FGF1: variants seen among roughly 807,000 people sequenced by gnomAD.
FGF1 encodes the protein fibroblast growth factor 1, also known as beta-endothelial cell growth factor.
Under a neutral mutation model 13.4 loss-of-function variants are expected in FGF1, and 9 were observed. The ratio of observed to expected loss-of-function variants is 0.67; its 90% confidence interval spans 0.40 to 1.17. The LOEUF (loss-of-function observed/expected upper bound fraction) is 1.17, where lower values mean the gene tolerates loss of function less well. Among genes scored for constraint, FGF1 ranks in the 50% most tolerant of loss-of-function variants. FGF1 has a pLI of 0.01. For missense variants in FGF1, 156 were observed against 192.7 expected (o/e 0.81, Z 1.13); for synonymous variants, 93 against 79.0 (o/e 1.18, Z -0.94).
chr5:142,647,342 C>T (rs922163538), intron 1 of FGF1, among the ~76,000 whole-genome samples: 10 of 152,198 alleles, frequency 6.6e-5, no homozygotes, highest in Non-Finnish European at 1.5e-4. Context: ...GCTCTAGAAA[C>T]TTGAAGTCCT....
At chr5:142,618,895 A>G (rs1433868354) in intron 1 of FGF1, among the ~76,000 whole-genome samples, 2 of 150,860 alleles carry the variant, frequency 1.3e-5, no homozygotes, top group Admixed American at 1.3e-4. Context: ...AATCAAAGGA[A>G]GGCAAACACT....
In FGF1 at chr5:142,622,498, C is replaced by T. The variant is rs1330770797; in HGVS notation, c.-34-8337G>A. ...TACCCTACCTTTGGTTAAAGGCAGG[C>T]TCAAACCCTGTCCTCATCTTGTAAT... On this transcript the variant is annotated intron_variant, in intron 1 of 3. Transcript: ENST00000337706. Among the ~76,000 whole-genome samples the T allele has an allele frequency of 7.9e-5, 12 of 152,306 alleles. No individual in the cohort carries two copies. In the South Asian group the frequency reaches 1.5e-3, roughly 18 times the overall value.
Position 142,595,134 on chromosome 5 carries a change from G to T in FGF1, c.*156C>A, listed in dbSNP as rs1011787311. 4.8e-6 allele frequency: 3 copies of T among 624,020 alleles called. No homozygotes were observed. The highest frequency in any genetic ancestry group is 8.4e-6 in the Non-Finnish European group (3 of 357,010). The allele number at this position is 624,020 out of a possible 1,614,324, so 38.7% of individuals were successfully genotyped here. A position where few individuals can be genotyped will look rare whatever the true frequency, so the allele number is the denominator to read the frequency against. On this transcript the variant is annotated 3_prime_UTR_variant, in exon 4 of 4. Transcript: ENST00000337706. ...GTGCAGGGGTAAAAGGCTCTGCAAA[G>T]AAGTGAACTGGGCATTTAGAAGCAA...
Position 142,614,090 on chromosome 5 carries a change from G to A in FGF1, c.38C>T (p.Thr13Ile), listed in dbSNP as rs375379946. 8.1e-6 allele frequency: 13 copies of A among 1,614,238 alleles called. No individual in the cohort carries two copies. In the African/African-American group the frequency reaches 1.1e-4, roughly 13 times the overall value. ...EGEITTFTALTEKFNLPPGNY... is the reference protein window; with the variant it reads ...EGEITTFTALIEKFNLPPGNY... ...CCCTGGAGGCAGATTAAACTTCTCG[G>A]TCAGGGCTGTGAAGGTGGTGATTTC... Residue 13 changes from threonine (T) to isoleucine (I), a missense_variant, in exon 2 of 4, where the codon ACC becomes ATC. Transcript: ENST00000337706.
At chr5:142,596,296 C>A (rs1755230178) in intron 3 of FGF1, among the ~76,000 whole-genome samples, 1 of 140,480 alleles carries the variant, frequency 7.1e-6, no homozygotes, top group African/African-American at 2.7e-5. Flanking sequence ...ATAGCAAGAC[C>A]CATTCTCTAC....
At chr5:142,670,326 G>A (rs1403101241) in intron 1 of FGF1, among the ~76,000 whole-genome samples, 1 of 152,042 alleles carries the variant, frequency 6.6e-6, no homozygotes, top group African/African-American at 2.4e-5. Flanking sequence ...TTCCTATGTT[G>A]GTTCTTGCTG....
rs1755012979 is a variant in FGF1 at position 142,595,277 on chromosome 5, A to G, written c.*13T>C. 6.2e-7 allele frequency: 1 copy of G among 1,611,778 alleles called. No homozygotes were observed. Among genetic ancestry groups the G allele is most frequent in the Non-Finnish European group, 8.5e-7 (1 of 1,178,794 alleles). On this transcript the variant is annotated 3_prime_UTR_variant, in exon 4 of 4. Coordinates refer to ENST00000337706, the MANE Select transcript of FGF1 (RefSeq NM_000800.5). ...AACTTCTCTGGAGTGGTCAACACCC[A>G]GAACAGATCTCTTTAATCAGAAGAG...
intron 1 of FGF1, among the ~76,000 whole-genome samples, chr5:142,630,675 C>T (rs1322669344): frequency 1.3e-5 from 2 of 152,274 alleles, no homozygotes; most frequent in South Asian, 2.1e-4. Flanking sequence ...CTATGATCTC[C>T]TCCATATGGC....
chr5:142,605,347 C>T (rs1434617201), intron 2 of FGF1, among the ~76,000 whole-genome samples: 3 of 151,362 alleles, frequency 2.0e-5, no homozygotes, highest in Admixed American at 2.0e-4. Context: ...TCTTAAACTC[C>T]TGACTTCAGG....
rs10476841 is a variant in FGF1, at chr5:142,606,037, C to G, written c.170-5232G>C. On this transcript the variant is annotated intron_variant, in intron 2 of 3. Coordinates refer to ENST00000337706, the MANE Select transcript of FGF1 (RefSeq NM_000800.5). ...AACCATTCAGTCAACACATATTCAT[C>G]TACTAGGTGCTGGGACTTACGCTCA... 4.9e-3 allele frequency among the ~76,000 whole-genome samples: 438 copies of G among 88,942 alleles called. 1 individual carries two copies. Among genetic ancestry groups the G allele is most frequent in the African/African-American group, 0.013 (416 of 32,196 alleles). 58.3% of individuals were successfully genotyped at this position (88,942 alleles called of 152,430 possible). A position where few individuals can be genotyped will look rare whatever the true frequency, so the allele number is the denominator to read the frequency against.
chr5:142,620,994 C>T (rs758079443), intron 1 of FGF1, among the ~76,000 whole-genome samples: 1 of 152,202 alleles, frequency 6.6e-6, no homozygotes, highest in Non-Finnish European at 1.5e-5. Flanking sequence ...TTTCTCCAGC[C>T]TCACTTCTGT....
chr5:142,628,017 G>C (rs1762748804), intron 1 of FGF1, among the ~76,000 whole-genome samples: 1 of 152,074 alleles, frequency 6.6e-6, no homozygotes, highest in African/African-American at 2.4e-5. Context: ...CCCAGCTGTT[G>C]GCAGGCAAAG....
At chr5:142,607,536 A>C (rs1757957766) in intron 2 of FGF1, among the ~76,000 whole-genome samples, 1 of 152,236 alleles carries the variant, frequency 6.6e-6, no homozygotes, top group Non-Finnish European at 1.5e-5. Context: ...CAACTTTTAA[A>C]AAGGTACTCT....
chr5:142,609,507 C>CACAG (rs1758600446), intron 2 of FGF1, among the ~76,000 whole-genome samples: 1 of 152,222 alleles, frequency 6.6e-6, no homozygotes, highest in Non-Finnish European at 1.5e-5. Context: ...CTTGCCCTGC[C>CACAG]AGAGGAGTGA....
At chr5:142,660,525 T>C (rs1303716276) in intron 1 of FGF1, among the ~76,000 whole-genome samples, 1 of 152,224 alleles carries the variant, frequency 6.6e-6, no homozygotes, top group Non-Finnish European at 1.5e-5. Context: ...CACAATGGCC[T>C]CTGGCTCTCG....
intron 1 of FGF1, among the ~76,000 whole-genome samples, chr5:142,629,429 T>G (rs1004649471): frequency 1.3e-4 from 20 of 152,186 alleles, no homozygotes; most frequent in Non-Finnish European, 1.9e-4. Context: ...CTTCCAAATT[T>G]CAGGGATTAT....
chr5:142,690,047 C>A (rs1751919218), upstream of FGF1, among the ~76,000 whole-genome samples: 2 of 149,736 alleles, frequency 1.3e-5, no homozygotes, highest in Admixed American at 1.3e-4. Context: ...CTTGGCCGGG[C>A]ACGGTGGCTC....
chr5:142,661,811 G>A (rs1227563502), intron 1 of FGF1, among the ~76,000 whole-genome samples: 1 of 152,110 alleles, frequency 6.6e-6, no homozygotes, highest in Non-Finnish European at 1.5e-5. Flanking sequence ...AGACCATCCT[G>A]GCTAACACGA....
intron 1 of FGF1, among the ~76,000 whole-genome samples, chr5:142,674,652 CT>C (rs1772159543): frequency 6.6e-6 from 1 of 152,242 alleles, no homozygotes; most frequent in East Asian, 1.9e-4. Context: ...AAAACACTGA[CT>C]TTGGGGCTGC....
Sources: allele counts gnomAD v4.1 joint callset (sites outside exome capture counted in the v4.1 genomes callset), GRCh38; gene constraint gnomAD v4.1.1; transcripts MANE v1.5; gene names NCBI Gene and HGNC (gene_info 2026-07-23, HGNC 2026-07-21).